ZFPM1: variants seen among roughly 807,000 people sequenced by gnomAD.
ZFPM1 encodes the protein zinc finger protein ZFPM1.
In ZFPM1, 28 loss-of-function variants were observed where a neutral mutation model predicts 46.3. That is an observed-to-expected ratio of 0.60 (90% CI 0.45 to 0.83). The LOEUF is 0.83. ZFPM1 is among the 40% of genes least tolerant of loss of function. The pLI, the probability that ZFPM1 is intolerant of heterozygous loss-of-function variation, is 0.00. For synonymous variants in ZFPM1, 957 were observed against 675.9 expected (o/e 1.42, Z -6.45); for missense variants, 1,878 against 1,432.4 (o/e 1.31, Z -5.02).
chr16:88,533,755 C>G lies in ZFPM1; in HGVS notation c.1797C>G (p.Tyr599Ter). The G allele has an allele frequency of 6.9e-7, 1 of 1,451,820 alleles. No homozygotes were observed. The highest frequency in any genetic ancestry group is 9.1e-7 in the Non-Finnish European group (1 of 1,094,144). The allele number at this position is 1,451,820 out of a possible 1,614,324, so 89.9% of individuals were successfully genotyped here. The change falls in exon 10 of 10, where the codon TAC (tyrosine) becomes TAG (stop). Residue 599 changes from tyrosine (Y) to a stop codon, truncating the protein, a stop_gained. Transcript: ENST00000319555. LOFTEE classifies it low-confidence loss of function (END_TRUNC). ...ACTACTACGTGCACAAGCGCCTCTA[C>G]TGTTCAGGCCGCCGTGCGCCCGAGG... is the stretch of plus-strand genomic sequence containing the variant. Reference protein sequence around the residue: ...VNNYYVHKRLYCSGRRAPEDA... With the variant: ...VNNYYVHKRL
At chr16:88,455,144 T>G (rs1035823496) in intron 1 of ZFPM1, among the ~76,000 whole-genome samples, 1 of 144,794 alleles carries the variant, frequency 6.9e-6, no homozygotes, top group African/African-American at 2.6e-5. Context: ...TGTGTGTGTG[T>G]GTGTGTGTGT....
At chr16:88,516,170 C>A (rs757666032) in intron 4 of ZFPM1, 4 of 398,692 alleles carry the variant, frequency 1.0e-5, no homozygotes, top group Non-Finnish European at 1.8e-5. Flanking sequence ...CAGGATCAAA[C>A]AGCAGAGGGA....
At chr16:88,530,924 C>T (rs1380679509) in intron 6 of ZFPM1, 1 of 152,272 alleles carries the variant, frequency 6.6e-6, no homozygotes, top group East Asian at 1.9e-4. Context: ...GAGGAAGAGC[C>T]ACCTCACCCA....
At chr16:88,503,523 GGCT>G (rs1338559427) in intron 3 of ZFPM1, among the ~76,000 whole-genome samples, 3 of 149,796 alleles carry the variant, frequency 2.0e-5, no homozygotes, top group African/African-American at 7.5e-5. Context: ...CTGCCTCCAG[GGCT>G]CCTCCTGCTT....
Position 88,462,009 on chromosome 16 carries a change from G to A in ZFPM1, c.40+8331G>A, listed in dbSNP as rs535530783. On this transcript the variant is annotated intron_variant, in intron 1 of 9. Transcript: ENST00000319555. ...CCCAGGCCACCAGCCCTACTGCATC[G>A]GCCGGCGGCCTCCCCATCTCCTCCT... is the stretch of plus-strand genomic sequence containing the variant. 2.7e-4 allele frequency among the ~76,000 whole-genome samples: 41 copies of A among 152,340 alleles called. 1 individual carries two copies. Among genetic ancestry groups the A allele is most frequent in the East Asian group, 2.1e-3 (11 of 5,192 alleles).
chr16:88,531,432 T>C lies in ZFPM1; in HGVS notation c.713-570T>C, dbSNP rs142446979. Among the ~76,000 whole-genome samples the C allele has an allele frequency of 3.6e-3, 543 of 152,294 alleles. 5 individuals carry two copies. The highest frequency in any genetic ancestry group is 0.012 in the African/African-American group (498 of 41,560). On this transcript the variant is annotated intron_variant, in intron 6 of 9. Coordinates refer to ENST00000319555, the MANE Select transcript of ZFPM1 (RefSeq NM_153813.3). The stretch of plus-strand genomic sequence containing the variant: ...CTGACCAGCCAGGTGGTCACTGACA[T>C]GGAGCCGCCCAGGTGTGTGGGCGCA...
chr16:88,485,159 C>T (rs1027154712), intron 1 of ZFPM1, among the ~76,000 whole-genome samples: 30 of 152,152 alleles, frequency 2.0e-4, no homozygotes, highest in Non-Finnish European at 1.8e-4. Flanking sequence ...AGGCGGAGGC[C>T]GTGGCGACGG....
At chr16:88,506,070 C>T (rs893658653) in intron 3 of ZFPM1, among the ~76,000 whole-genome samples, 4 of 152,128 alleles carry the variant, frequency 2.6e-5, no homozygotes, top group Non-Finnish European at 5.9e-5. Context: ...GGGCTCTAGG[C>T]CAACCCCACC....
chr16:88,486,163 A>T, intron 2 of ZFPM1, 120 bp downstream of exon 2: 1 of 1,036,882 alleles, frequency 9.6e-7, no homozygotes, highest in Admixed American at 2.3e-5. Flanking sequence ...GCAGGAGTCC[A>T]GGACAGGCGT....
chr16:88,511,370 C>G (rs1170308732), intron 3 of ZFPM1, among the ~76,000 whole-genome samples: 2 of 152,130 alleles, frequency 1.3e-5, no homozygotes, highest in African/African-American at 4.8e-5. Context: ...CCTCGCCGGG[C>G]CCCAGGCTTC....
chr16:88,526,929 C>A lies in ZFPM1; in HGVS notation c.505+13C>A. The A allele has an allele frequency of 6.4e-7, 1 of 1,556,086 alleles. No homozygotes were observed. The highest frequency in any genetic ancestry group is 8.7e-7 in the Non-Finnish European group (1 of 1,149,142). ...ATCCACAGGAAGGGTCAGTATGACG[C>A]GGCACCTCCGTCCCAAGCCTTCCGG... On this transcript the variant is annotated intron_variant, in intron 5 of 9. Transcript: ENST00000319555.
chr16:88,500,351 C>T (rs564427106), intron 3 of ZFPM1, among the ~76,000 whole-genome samples: 5 of 152,322 alleles, frequency 3.3e-5, no homozygotes, highest in African/African-American at 1.2e-4. Flanking sequence ...GGCCACAGGG[C>T]GCTCTTGGGA....
chr16:88,532,560 G>C, intron 7 of ZFPM1, 54 bp from the exon 8 acceptor site: 1 of 1,524,008 alleles, frequency 6.6e-7, no homozygotes. Context: ...CTCATCCCTG[G>C]AGTCCCAAGG....
At chr16:88,502,570 T>G (rs1419526359) in intron 3 of ZFPM1, among the ~76,000 whole-genome samples, 1 of 152,194 alleles carries the variant, frequency 6.6e-6, no homozygotes, top group African/African-American at 2.4e-5. Context: ...AGAGCCCCAC[T>G]GTCCCTTCCC....
At position 88,533,269 on chromosome 16, in the gene ZFPM1, C is replaced by G; in HGVS notation, c.1311C>G (p.Thr437=). The change falls in exon 10 of 10, where the codon ACC becomes ACG. Residue 437 remains threonine (T), a synonymous_variant. Transcript: ENST00000319555. ...ACAGAAAGGCCCTGGCCGAGGCCAC[C>G]AACGGAGAGGCCAGAGCGGAGCCTC... ...GLDRKALAEA[T]NGEARAEPLA... The G allele has an allele frequency of 6.6e-7, 1 of 1,523,552 alleles. No homozygotes were observed. Among genetic ancestry groups the G allele is most frequent in the Non-Finnish European group, 8.7e-7 (1 of 1,145,044 alleles). 94.4% of individuals were successfully genotyped at this position (1,523,552 alleles called of 1,614,324 possible). A position where few individuals can be genotyped will look rare whatever the true frequency, so the allele number is the denominator to read the frequency against.
intron 4 of ZFPM1, among the ~76,000 whole-genome samples, chr16:88,526,269 G>T (rs1329011596): frequency 6.6e-6 from 1 of 152,216 alleles, no homozygotes; most frequent in Non-Finnish European, 1.5e-5. Flanking sequence ...AGGACACTGA[G>T]GCCCGAGGGT....
At chr16:88,493,049 A>AGAGCTG (rs1909676070) in intron 3 of ZFPM1, among the ~76,000 whole-genome samples, 1 of 39,480 alleles carries the variant, frequency 2.5e-5, no homozygotes, top group African/African-American at 9.9e-5. Flanking sequence ...ATGGAGAGCT[A>AGAGCTG]TCCCGGGGTG....
At chr16:88,491,463 GA>G (rs1451524722) in intron 3 of ZFPM1, among the ~76,000 whole-genome samples, 2 of 152,238 alleles carry the variant, frequency 1.3e-5, no homozygotes, top group Non-Finnish European at 2.9e-5. Context: ...CCAGCCCGGG[GA>G]TGCAGGACGC....
At chr16:88,499,884 G>A (rs894171996) in intron 3 of ZFPM1, among the ~76,000 whole-genome samples, 11 of 152,248 alleles carry the variant, frequency 7.2e-5, no homozygotes, top group African/African-American at 2.2e-4. Flanking sequence ...GCCCCTCCTC[G>A]GCCCCATGCC....
Sources: gnomAD v4.1 joint callset for allele counts (sites outside exome capture counted in the v4.1 genomes callset) on GRCh38, gnomAD v4.1.1 for gene constraint, MANE v1.5 for transcripts, NCBI Gene and HGNC (gene_info 2026-07-23, HGNC 2026-07-21) for gene names.